Variants in DNAH7 observed in about 807,000 individuals in gnomAD.
The protein encoded by DNAH7 is dynein axonemal heavy chain 7.
DNAH7 carries 397 observed loss-of-function variants against 444.6 expected under a neutral mutation model. That is an observed-to-expected ratio of 0.89 (90% CI 0.82 to 0.97). The LOEUF (loss-of-function observed/expected upper bound fraction) is 0.97. Ranked by LOEUF, DNAH7 falls within the 50% of genes least tolerant of loss-of-function variation. DNAH7 has a pLI of 0.00. For synonymous variants in DNAH7, 1,636 were observed against 1,624.4 expected (o/e 1.01, Z -0.17); for missense variants, 4,902 against 4,800.8 (o/e 1.02, Z -0.62).
chr2:195,906,286 T>G (rs1030138567), intron 27 of DNAH7, among the ~76,000 whole-genome samples: 9 of 152,034 alleles, frequency 5.9e-5, no homozygotes, highest in African/African-American at 2.2e-4. Context: ...ATATTTACTC[T>G]GTAAAAATAC....
intron 21 of DNAH7, among the ~76,000 whole-genome samples, chr2:195,931,903 T>C (rs1202803367): frequency 7.6e-4 from 116 of 152,198 alleles, no homozygotes; most frequent in Non-Finnish European, 1.4e-3. Flanking sequence ...CTTGGCAATG[T>C]GGGCTCTTTT....
intron 12 of DNAH7, among the ~76,000 whole-genome samples, chr2:195,990,811 G>GTGTGTGTGTA (rs1553600568): frequency 1.2e-4 from 10 of 80,064 alleles, no homozygotes; most frequent in African/African-American, 3.4e-4. Context: ...GTGTGTGTGT[G>GTGTGTGTGTA]TATATATATA....
At position 195,875,803 on chromosome 2, in the gene DNAH7, A is replaced by T; in HGVS notation, c.6158T>A (p.Val2053Glu). 1.2e-6 allele frequency: 2 copies of T among 1,613,084 alleles called. No homozygotes were observed. The highest frequency in any genetic ancestry group is 1.7e-6 in the Non-Finnish European group (2 of 1,179,720). ...VDDVNMPARE[V>E]YGAQPPIELL... is the part of the protein sequence containing the mutation. ...CTCAATGGGAGGTTGAGCCCCATAT[A>T]CCTCCCGAGCAGGCATATTGACATC... The change falls in exon 38 of 65, where the codon GTA becomes GAA. Residue 2053 changes from valine to glutamate, a missense_variant. Val to Glu is a moderately radical substitution (Grantham distance 121). Transcript: ENST00000312428.
intron 15 of DNAH7, among the ~76,000 whole-genome samples, chr2:195,980,602 G>A (rs1474686692): frequency 1.3e-5 from 2 of 152,080 alleles, no homozygotes; most frequent in Non-Finnish European, 2.9e-5. Flanking sequence ...TGATGCAAAA[G>A]TCCTCAATAA....
chr2:195,977,000 T>C (rs920997645), intron 15 of DNAH7, among the ~76,000 whole-genome samples: 1 of 152,132 alleles, frequency 6.6e-6, no homozygotes, highest in South Asian at 2.1e-4. Flanking sequence ...TCCCTTCAAA[T>C]ACCTGGAAAG....
chr2:196,012,919 AAAAT>A lies in DNAH7; in HGVS notation c.870-17_870-14del. The A allele has an allele frequency of 6.8e-7, 1 of 1,462,666 alleles. No individual in the cohort carries two copies. The highest frequency in any genetic ancestry group is 9.1e-7 in the Non-Finnish European group (1 of 1,100,288). The allele number at this position is 1,462,666 out of a possible 1,614,324, so 90.6% of individuals were successfully genotyped here. On this transcript the variant is annotated splice_polypyrimidine_tract_variant and intron_variant, in intron 9 of 64. Transcript: ENST00000312428. ...TAAACGTAATTTTCTGCAAAAGATA[AAAAT>A]AAACAGTAATTTAACAATGACTTTT...
chr2:195,823,482 A>G (rs1697568120), intron 49 of DNAH7, among the ~76,000 whole-genome samples: 1 of 152,204 alleles, frequency 6.6e-6, no homozygotes, highest in South Asian at 2.1e-4. Flanking sequence ...GCCTCTCTGC[A>G]GAGAGATGCC....
At position 195,972,319 on chromosome 2, in the gene DNAH7, C is replaced by T; in HGVS notation, c.1981G>A (p.Gly661Arg). 6.2e-7 allele frequency: 1 copy of T among 1,614,068 alleles called. No homozygotes were observed. The part of the protein sequence containing the change: ...RLNNSVFQWY[G>R]RMGEIFEEHR... ...TCTTCAAAAATTTCTCCCATCCTTC[C>T]ATACCACTGGAAAACACTATTATTT... is the stretch of plus-strand genomic sequence containing the variant. Residue 661 changes from glycine (G) to arginine (R), a missense_variant, in exon 16 of 65, where the codon GGA (glycine) becomes AGA (arginine). By Grantham distance (125) the Gly-to-Arg change is moderately radical (BLOSUM62 -2). Transcript: ENST00000312428.
chr2:195,981,093 C>G (rs1025378870), intron 15 of DNAH7, among the ~76,000 whole-genome samples: 21 of 151,682 alleles, frequency 1.4e-4, no homozygotes, highest in African/African-American at 4.6e-4. Flanking sequence ...TTGAAAAATC[C>G]TAGAGACTCC....
At chr2:195,965,351 T>C (rs1158603423) in intron 17 of DNAH7, among the ~76,000 whole-genome samples, 2 of 152,200 alleles carry the variant, frequency 1.3e-5, no homozygotes, top group South Asian at 2.1e-4. Flanking sequence ...TTTTAATGCA[T>C]TGTTGAATTC....
chr2:195,795,259 G>A (rs1460840783), intron 56 of DNAH7, among the ~76,000 whole-genome samples: 1 of 152,174 alleles, frequency 6.6e-6, no homozygotes, highest in Non-Finnish European at 1.5e-5. Context: ...GCAGGTGCCT[G>A]TAATCCTAGC....
Position 195,858,859 on chromosome 2 carries a change from A to G in DNAH7, c.7737-55T>C, listed in dbSNP as rs922556707. On this transcript the variant is annotated intron_variant, in intron 42 of 64. Transcript: ENST00000312428. The stretch of plus-strand genomic sequence containing the variant: ...TCATGAGGCTCTGTATCCTACATGA[A>G]GGAAAAACTTAAGTGTTTCTGAGCT... The G allele has an allele frequency of 6.9e-6, 10 of 1,449,720 alleles. No individual in the cohort carries two copies. In the African/African-American group the frequency reaches 1.4e-4, roughly 21 times the overall value. 89.8% of individuals were successfully genotyped at this position (1,449,720 alleles called of 1,614,324 possible).
At chr2:196,036,881 C>T (rs575079225) in intron 5 of DNAH7, among the ~76,000 whole-genome samples, 48 of 152,266 alleles carry the variant, frequency 3.2e-4, no homozygotes, top group African/African-American at 1.1e-3. Context: ...TCAACACTGC[C>T]GGTGCCCATG....
intron 5 of DNAH7, among the ~76,000 whole-genome samples, chr2:196,031,102 A>G (rs1314788906): frequency 6.6e-6 from 1 of 152,224 alleles, no homozygotes; most frequent in Non-Finnish European, 1.5e-5. Context: ...AGGCATTTCC[A>G]TACATCTTCT....
chr2:195,763,756 G>A (rs1470560826), intron 61 of DNAH7, among the ~76,000 whole-genome samples: 1 of 151,842 alleles, frequency 6.6e-6, no homozygotes, highest in South Asian at 2.1e-4. Flanking sequence ...GCAAAGAAAA[G>A]CCCAGGACCT....
intron 41 of DNAH7, among the ~76,000 whole-genome samples, chr2:195,862,275 C>A (rs779915870): frequency 6.6e-6 from 1 of 152,166 alleles, no homozygotes; most frequent in Admixed American, 6.6e-5. Flanking sequence ...GGTATTATCT[C>A]ATTTAATTCT....
At chr2:195,787,283 A>G in intron 57 of DNAH7, 112 bp from the exon 58 acceptor site, 2 of 1,098,492 alleles carry the variant, frequency 1.8e-6, no homozygotes, top group South Asian at 3.5e-5. Context: ...GCATAGGGAC[A>G]TATTCATCCC....
rs757861317 is a variant in DNAH7 at position 195,900,534 on chromosome 2, T to C, written c.4336-40A>G. 5.1e-6 allele frequency: 8 copies of C among 1,569,658 alleles called. No homozygotes were observed. In the South Asian group the frequency reaches 7.8e-5, roughly 15 times the overall value. The stretch of plus-strand genomic sequence containing the variant: ...AAAGTTACTTTTAAAAGGATCATCA[T>C]AAAATAAGCTAGGCATGGAAAGATA... On this transcript the variant is annotated intron_variant, in intron 27 of 64. Coordinates refer to ENST00000312428, the MANE Select transcript of DNAH7 (RefSeq NM_018897.3).
chr2:195,967,480 T>C (rs570217283), intron 17 of DNAH7, among the ~76,000 whole-genome samples: 8 of 152,218 alleles, frequency 5.3e-5, no homozygotes, highest in Non-Finnish European at 8.8e-5. Flanking sequence ...GATTTATTAT[T>C]GCTCATCCTG....
Sources: gnomAD v4.1 joint callset for allele counts (sites outside exome capture counted in the v4.1 genomes callset) on GRCh38, gnomAD v4.1.1 for gene constraint, MANE v1.5 for transcripts, NCBI Gene and HGNC (gene_info 2026-07-23, HGNC 2026-07-21) for gene names.